The following IQCJ variants were observed in gnomAD, a reference collection of about 807,000 sequenced individuals.
The protein encoded by IQCJ is IQ domain-containing protein J.
A neutral mutation model predicts 11.0 loss-of-function variants in IQCJ; 9 were observed. That is an observed-to-expected ratio of 0.82 (90% CI 0.49 to 1.43). The LOEUF (loss-of-function observed/expected upper bound fraction) is 1.43. IQCJ is among the 40% of genes most tolerant of loss of function. The probability of loss-of-function intolerance (pLI) is 0.00; values close to 1 mark genes in which losing one functional copy is unlikely to be tolerated. For synonymous variants in IQCJ, 55 were observed against 51.3 expected (o/e 1.07, Z -0.31); for missense variants, 146 against 133.2 (o/e 1.10, Z -0.47).
intron 1 of IQCJ, among the ~76,000 whole-genome samples, chr3:159,213,984 G>A (rs961517332): frequency 2.0e-5 from 3 of 152,086 alleles, no homozygotes; most frequent in Non-Finnish European, 4.4e-5. Flanking sequence ...GTTCCTCAAA[G>A]TTTTGTCTTT....
chr3:159,173,301 C>A (rs1477878882), intron 1 of IQCJ, among the ~76,000 whole-genome samples: 1 of 152,270 alleles, frequency 6.6e-6, no homozygotes, highest in East Asian at 1.9e-4. Flanking sequence ...AAGCTGTTGA[C>A]ACTGATACAA....
At chr3:159,152,638 C>A (rs1475056784) in intron 1 of IQCJ, among the ~76,000 whole-genome samples, 1 of 152,174 alleles carries the variant, frequency 6.6e-6, no homozygotes, top group Non-Finnish European at 1.5e-5. Flanking sequence ...TGTGAACAAT[C>A]ATTGAGTACT....
intron 1 of IQCJ, among the ~76,000 whole-genome samples, chr3:159,212,813 G>T (rs1023232214): frequency 1.3e-5 from 2 of 152,142 alleles, no homozygotes; most frequent in Non-Finnish European, 2.9e-5. Flanking sequence ...CAACTTTTGT[G>T]GCAGAAGGCT....
chr3:159,181,330 G>C (rs940906174), intron 1 of IQCJ, among the ~76,000 whole-genome samples: 2 of 149,822 alleles, frequency 1.3e-5, no homozygotes, highest in East Asian at 2.0e-4. Context: ...TTAGTGCTCT[G>C]TTCTTAGTTT....
intron 1 of IQCJ, among the ~76,000 whole-genome samples, chr3:159,075,865 T>G (rs1315524736): frequency 6.6e-6 from 1 of 152,066 alleles, no homozygotes; most frequent in African/African-American, 2.4e-5. Flanking sequence ...AGTGGTCAAG[T>G]AGCAGAGTGG....
chr3:159,139,130 T>G (rs1720458553), intron 1 of IQCJ, among the ~76,000 whole-genome samples: 1 of 152,154 alleles, frequency 6.6e-6, no homozygotes, highest in South Asian at 2.1e-4. Flanking sequence ...GAGAGAAAGA[T>G]GAAATCAAGG....
At chr3:159,110,737 A>G (rs1718573245) in intron 1 of IQCJ, among the ~76,000 whole-genome samples, 2 of 152,178 alleles carry the variant, frequency 1.3e-5, no homozygotes, top group Admixed American at 1.3e-4. Context: ...AATTTCTAAC[A>G]GACACAAGCT....
chr3:159,216,192 A>T (rs940151067), intron 1 of IQCJ, among the ~76,000 whole-genome samples: 2 of 151,924 alleles, frequency 1.3e-5, no homozygotes, highest in African/African-American at 2.4e-5. Context: ...CTTGCCACCG[A>T]TTGTCTAGTG....
intron 1 of IQCJ, among the ~76,000 whole-genome samples, chr3:159,078,919 G>A (rs9862084): frequency 0.048 from 7,339 of 152,114 alleles, 560 homozygotes; most frequent in African/African-American, 0.17. Flanking sequence ...GCTTGGCAAA[G>A]TGCATGGTAG....
intron 1 of IQCJ, among the ~76,000 whole-genome samples, chr3:159,143,173 T>G (rs1490509112): frequency 2.0e-5 from 3 of 152,218 alleles, no homozygotes; most frequent in Non-Finnish European, 4.4e-5. Context: ...TAGCCAATGA[T>G]GAAGTGTGAA....
intron 3 of IQCJ, among the ~76,000 whole-genome samples, chr3:159,254,451 T>C (rs1727778722): frequency 6.6e-6 from 1 of 152,216 alleles, no homozygotes. Flanking sequence ...TTTTTATCTC[T>C]TCTAATAATT....
intron 2 of IQCJ, among the ~76,000 whole-genome samples, chr3:159,246,340 AAC>A (rs1353148403): frequency 6.6e-6 from 1 of 152,224 alleles, no homozygotes; most frequent in African/African-American, 2.4e-5. Context: ...GATGAAATTG[AAC>A]AGAGATAAAA....
chr3:159,161,102 G>A (rs999916338), intron 1 of IQCJ, among the ~76,000 whole-genome samples: 2 of 152,146 alleles, frequency 1.3e-5, no homozygotes, highest in Non-Finnish European at 2.9e-5. Flanking sequence ...CTGAGGAATC[G>A]CCACATCCAC....
intron 1 of IQCJ, among the ~76,000 whole-genome samples, chr3:159,079,749 C>A (rs977676147): frequency 7.2e-5 from 11 of 151,946 alleles, no homozygotes; most frequent in Non-Finnish European, 1.0e-4. Context: ...TCAATGGTTG[C>A]TTAGTATTTG....
rs148124309 is a variant in IQCJ at position 159,197,222 on chromosome 3, T to C, written c.10-48621T>C. Among the ~76,000 whole-genome samples the C allele has an allele frequency of 8.5e-5, 13 of 152,270 alleles. No homozygotes were observed. In the East Asian group the frequency reaches 2.5e-3, roughly 29 times the overall value. On this transcript the variant is annotated intron_variant, in intron 1 of 3. Coordinates refer to ENST00000397832, the MANE Select transcript of IQCJ (RefSeq NM_001042706.3). The stretch of plus-strand genomic sequence containing the variant: ...AAAGTGAGGAAGTGGGTGTAGAAAG[T>C]CCAGTAAGAGCTTCATGGAGGAAGT...
In IQCJ at chr3:159,196,337, A is replaced by C. The variant is rs541058179; in HGVS notation, c.10-49506A>C. Among the ~76,000 whole-genome samples, 807 of 152,350 alleles carry C rather than the reference A, an allele frequency of 5.3e-3. 7 individuals carry two copies. Among genetic ancestry groups the C allele is most frequent in the Non-Finnish European group, 8.6e-3 (583 of 68,026 alleles). ...ATCTACATTTTAATGGATGGAGCCC[A>C]TTTTAAAATAAGAAATCCTAGGTCT... On this transcript the variant is annotated intron_variant, in intron 1 of 3. Transcript: ENST00000397832.
At chr3:159,069,738 G>T (rs1468806925) in intron 1 of IQCJ, 15 of 559,408 alleles carry the variant, frequency 2.7e-5, no homozygotes, top group African/African-American at 2.1e-4. Context: ...TTTCTAGTCA[G>T]ATCTGTAAAT....
chr3:159,220,096 T>C (rs945472000), intron 1 of IQCJ, among the ~76,000 whole-genome samples: 4 of 152,202 alleles, frequency 2.6e-5, no homozygotes, highest in African/African-American at 9.6e-5. Context: ...ATGTGCTCCC[T>C]TAAGAGTCTT....
chr3:159,091,052 A>G (rs1717241595), intron 1 of IQCJ, among the ~76,000 whole-genome samples: 1 of 151,794 alleles, frequency 6.6e-6, no homozygotes, highest in African/African-American at 2.4e-5. Flanking sequence ...AATATAATTA[A>G]TGTTGACCTA....
Sources: gnomAD v4.1 joint callset for allele counts (sites outside exome capture counted in the v4.1 genomes callset) on GRCh38, gnomAD v4.1.1 for gene constraint, MANE v1.5 for transcripts, NCBI Gene and HGNC (gene_info 2026-07-23, HGNC 2026-07-21) for gene names.